SLC35F1: variants seen among roughly 807,000 people sequenced by gnomAD.
SLC35F1 encodes the protein chromosome 6 open reading frame 169.
Under a neutral mutation model 48.7 loss-of-function variants are expected in SLC35F1, and 14 were observed. The ratio of observed to expected loss-of-function variants is 0.29; its 90% CI spans 0.19 to 0.45. SLC35F1 has a LOEUF of 0.45. Ranked by LOEUF, SLC35F1 falls within the 20% of genes least tolerant of loss-of-function variation. The pLI, the probability that SLC35F1 is intolerant of heterozygous loss-of-function variation, is 1.00. For missense variants in SLC35F1, 404 were observed against 500.0 expected (o/e 0.81, Z 1.83); for synonymous variants, 190 against 202.2 (o/e 0.94, Z 0.51).
At chr6:118,084,200 C>T (rs1428661323) in intron 1 of SLC35F1, among the ~76,000 whole-genome samples, 1 of 152,128 alleles carries the variant, frequency 6.6e-6, no homozygotes, top group African/African-American at 2.4e-5. Flanking sequence ...TTCCTTTCTT[C>T]TTCTCTTCCT....
At chr6:118,199,673 T>C (rs759963128) in intron 2 of SLC35F1, among the ~76,000 whole-genome samples, 1 of 152,192 alleles carries the variant, frequency 6.6e-6, no homozygotes, top group Non-Finnish European at 1.5e-5. Context: ...GTTGCAAAAC[T>C]GGTAAAACTA....
At chr6:117,979,658 G>A (rs1249743896) in intron 1 of SLC35F1, among the ~76,000 whole-genome samples, 1 of 152,132 alleles carries the variant, frequency 6.6e-6, no homozygotes, top group Admixed American at 6.5e-5. Flanking sequence ...AGCACAGAGA[G>A]TTAAAATTTT....
chr6:118,183,970 G>T (rs967377306), intron 2 of SLC35F1, among the ~76,000 whole-genome samples: 6 of 152,076 alleles, frequency 3.9e-5, no homozygotes, highest in Non-Finnish European at 7.4e-5. Context: ...GAAGCAGAGA[G>T]AAATCTGTTT....
At chr6:118,306,420 C>A (rs185767474) in intron 7 of SLC35F1, among the ~76,000 whole-genome samples, 26 of 152,206 alleles carry the variant, frequency 1.7e-4, no homozygotes, top group African/African-American at 6.3e-4. Flanking sequence ...ACCACTTCTA[C>A]AAACTCAGTA....
intron 1 of SLC35F1, among the ~76,000 whole-genome samples, chr6:118,098,591 T>TA (rs1773212082): frequency 2.0e-5 from 3 of 152,144 alleles, no homozygotes; most frequent in Admixed American, 6.5e-5. Flanking sequence ...GCTCCTGTCT[T>TA]ATGTCTTTTT....
At chr6:118,312,929 T>C (rs996505888) in intron 7 of SLC35F1, among the ~76,000 whole-genome samples, 1 of 152,184 alleles carries the variant, frequency 6.6e-6, no homozygotes, top group African/African-American at 2.4e-5. Flanking sequence ...TTGATCCTTT[T>C]TTCCCCATGG....
intron 2 of SLC35F1, among the ~76,000 whole-genome samples, chr6:118,208,167 C>T (rs1195411565): frequency 2.0e-5 from 3 of 152,192 alleles, no homozygotes; most frequent in Admixed American, 6.5e-5. Context: ...GTGGTACCCC[C>T]GCTGCCTGCA....
At chr6:118,001,844 G>GA (rs1777101850) in intron 1 of SLC35F1, among the ~76,000 whole-genome samples, 1 of 151,858 alleles carries the variant, frequency 6.6e-6, no homozygotes, top group South Asian at 2.1e-4. Context: ...AAAAACATAT[G>GA]AAAAAATGCT....
intron 3 of SLC35F1, among the ~76,000 whole-genome samples, chr6:118,236,127 C>A (rs1775362074): frequency 6.6e-6 from 1 of 151,960 alleles, no homozygotes; most frequent in African/African-American, 2.4e-5. Context: ...AATTTGCAAC[C>A]TGAAGGGACA....
chr6:118,131,566 A>G (rs1773712401), intron 1 of SLC35F1, among the ~76,000 whole-genome samples: 2 of 152,154 alleles, frequency 1.3e-5, no homozygotes, highest in African/African-American at 2.4e-5. Flanking sequence ...GATTACTGAG[A>G]ATGTCAAAGA....
intron 1 of SLC35F1, among the ~76,000 whole-genome samples, chr6:118,142,233 A>T (rs982496099): frequency 3.9e-5 from 6 of 152,130 alleles, no homozygotes; most frequent in Non-Finnish European, 7.4e-5. Flanking sequence ...TTTCACTCCC[A>T]GCCCCCTCAT....
chr6:118,016,581 G>C (rs1349298476), intron 1 of SLC35F1, among the ~76,000 whole-genome samples: 1 of 151,870 alleles, frequency 6.6e-6, no homozygotes, highest in East Asian at 1.9e-4. Context: ...CAATATTTTA[G>C]GGTAGAACTG....
At chr6:118,207,277 C>T (rs1175088793) in intron 2 of SLC35F1, among the ~76,000 whole-genome samples, 2 of 152,120 alleles carry the variant, frequency 1.3e-5, no homozygotes, top group Non-Finnish European at 2.9e-5. Context: ...AATAAAAAGG[C>T]ATATTTAAAA....
intron 4 of SLC35F1, among the ~76,000 whole-genome samples, chr6:118,267,615 T>C (rs1347037858): frequency 6.6e-6 from 1 of 152,196 alleles, no homozygotes; most frequent in African/African-American, 2.4e-5. Context: ...TTCAAACTAC[T>C]GGGTGAAGGT....
At chr6:118,059,711 G>C (rs976282468) in intron 1 of SLC35F1, among the ~76,000 whole-genome samples, 5 of 152,092 alleles carry the variant, frequency 3.3e-5, no homozygotes, top group African/African-American at 1.2e-4. Flanking sequence ...TTTAAAAGCT[G>C]GAAGCAAAAT....
At chr6:118,273,392 T>C (rs1314948711) in intron 4 of SLC35F1, among the ~76,000 whole-genome samples, 1 of 152,208 alleles carries the variant, frequency 6.6e-6, no homozygotes, top group East Asian at 1.9e-4. Flanking sequence ...ATTAAATTTA[T>C]TAACCAAGAG....
chr6:118,284,918 A>C (rs1776031322), intron 6 of SLC35F1, among the ~76,000 whole-genome samples: 1 of 151,228 alleles, frequency 6.6e-6, no homozygotes. Flanking sequence ...GACTATCGCC[A>C]CTAAGAGGCA....
intron 2 of SLC35F1, among the ~76,000 whole-genome samples, chr6:118,161,385 C>T (rs1015837418): frequency 6.6e-6 from 1 of 151,998 alleles, no homozygotes; most frequent in Non-Finnish European, 1.5e-5. Context: ...CACTCACAGC[C>T]CAGTTCTCAG....
chr6:117,973,134 T>C (rs1776664340), intron 1 of SLC35F1, among the ~76,000 whole-genome samples: 1 of 152,192 alleles, frequency 6.6e-6, no homozygotes, highest in Non-Finnish European at 1.5e-5. Context: ...GTTTGGTATC[T>C]TCCAAAGCCT....
Sources: gnomAD v4.1 joint callset for allele counts (sites outside exome capture counted in the v4.1 genomes callset) on GRCh38, gnomAD v4.1.1 for gene constraint, MANE v1.5 for transcripts, NCBI Gene and HGNC (gene_info 2026-07-23, HGNC 2026-07-21) for gene names.